LMF1: variants seen among roughly 807,000 people sequenced by gnomAD.
The protein encoded by LMF1 is transmembrane protein 112.
In LMF1, 68 loss-of-function variants were observed where a neutral mutation model predicts 60.6. The ratio of observed to expected loss-of-function variants is 1.12; its 90% CI spans 0.92 to 1.37. The LOEUF is 1.37. LMF1 is among the 40% of genes most tolerant of loss of function. LMF1 has a pLI of 0.00. For synonymous variants in LMF1, 418 were observed against 324.7 expected (o/e 1.29, Z -3.09); for missense variants, 948 against 767.2 (o/e 1.24, Z -2.78).
chr16:949,387 A>T (rs2072368540), intron 2 of LMF1, among the ~76,000 whole-genome samples: 1 of 151,378 alleles, frequency 6.6e-6, no homozygotes, highest in Admixed American at 6.6e-5. Flanking sequence ...TGACAGAGTC[A>T]GAGACAACGA....
At chr16:968,877 T>C (rs1030394081) in intron 1 of LMF1, 1 of 152,356 alleles carries the variant, frequency 6.6e-6, no homozygotes, top group Admixed American at 6.5e-5. Context: ...CCGCTGGGAC[T>C]TCCTGCTGTA....
intron 2 of LMF1, among the ~76,000 whole-genome samples, chr16:938,036 C>CCA (rs2071992714): frequency 6.9e-6 from 1 of 145,734 alleles, no homozygotes. Flanking sequence ...CAGAAGTTAC[C>CCA]AAAAAAAAAA....
intron 10 of LMF1, among the ~76,000 whole-genome samples, chr16:860,464 C>T (rs188900479): frequency 3.4e-4 from 52 of 152,106 alleles, no homozygotes; most frequent in Admixed American, 7.9e-4. Context: ...CTCAGCCTCC[C>T]GAGTAGCTGG....
intron 3 of LMF1, among the ~76,000 whole-genome samples, chr16:913,522 T>C (rs1321052468): frequency 1.3e-5 from 2 of 152,216 alleles, no homozygotes; most frequent in African/African-American, 4.8e-5. Flanking sequence ...GATGCCCCGA[T>C]GCTGGTGCGG....
At chr16:966,599 G>C (rs766145088) in intron 1 of LMF1, among the ~76,000 whole-genome samples, 1 of 115,346 alleles carries the variant, frequency 8.7e-6, no homozygotes, top group Non-Finnish European at 1.7e-5. Context: ...GGTCCTTTCC[G>C]ACGTTCAGAT....
chr16:878,302 T>C lies in LMF1; in HGVS notation c.897+1268A>G, dbSNP rs766882484. Among the ~76,000 whole-genome samples, 42 of 152,038 alleles carry C rather than the reference T, an allele frequency of 2.8e-4. 1 individual carries two copies. The highest frequency in any genetic ancestry group is 4.9e-4 in the Non-Finnish European group (33 of 68,008). ...CATCGATGCCCACAGGGAAATCACC[T>C]GATGGGCACCGGTGCCAGCCTCCAA... On this transcript the variant is annotated intron_variant, in intron 6 of 10. Transcript: ENST00000262301. The surrounding 1 kb of genome is among the most constrained non-coding windows in gnomAD (Gnocchi z 5.2).
intron 2 of LMF1, among the ~76,000 whole-genome samples, chr16:941,021 A>G (rs2072088009): frequency 1.3e-5 from 2 of 152,236 alleles, no homozygotes; most frequent in South Asian, 2.1e-4. Flanking sequence ...TAAGTCTTTT[A>G]TTACCACAAA....
intron 5 of LMF1, among the ~76,000 whole-genome samples, chr16:889,344 G>C (rs1000108787): frequency 4.8e-5 from 7 of 146,670 alleles, no homozygotes; most frequent in African/African-American, 1.8e-4. Flanking sequence ...GGTGAGTGTG[G>C]GGTGTGAGGC....
chr16:886,418 C>T (rs562098442), intron 5 of LMF1, among the ~76,000 whole-genome samples: 5 of 152,010 alleles, frequency 3.3e-5, no homozygotes, highest in East Asian at 1.9e-4. Flanking sequence ...GGCCTGCACT[C>T]GCCCAGTGGG....
chr16:921,264 C>T (rs1250536970), intron 3 of LMF1: 1 of 152,302 alleles, frequency 6.6e-6, no homozygotes, highest in Non-Finnish European at 1.5e-5. Context: ...TCTGCTTCCA[C>T]TGGGGCATTC....
intron 5 of LMF1, among the ~76,000 whole-genome samples, chr16:891,094 C>T (rs772743404): frequency 3.9e-5 from 6 of 152,224 alleles, no homozygotes; most frequent in Non-Finnish European, 7.3e-5. Context: ...CTCATGGGGG[C>T]GGGAGGGACC....
chr16:979,573 T>C (rs1220233732), intron 1 of LMF1: 1 of 448,840 alleles, frequency 2.2e-6, no homozygotes, highest in East Asian at 7.0e-5. Context: ...TCAGTCTCCC[T>C]TCCTCCAGGG....
intron 2 of LMF1, among the ~76,000 whole-genome samples, chr16:940,050 G>A (rs1366841200): frequency 6.6e-6 from 1 of 152,178 alleles, no homozygotes; most frequent in Non-Finnish European, 1.5e-5. Context: ...CAGACCAAAG[G>A]GGAGGAGGCA....
At chr16:896,667 C>G (rs918583697) in intron 4 of LMF1, among the ~76,000 whole-genome samples, 1 of 152,162 alleles carries the variant, frequency 6.6e-6, no homozygotes, top group South Asian at 2.1e-4. Flanking sequence ...ACGGCTCCAC[C>G]GGGCAGGGGC....
At chr16:909,245 G>A (rs2071043746) in intron 4 of LMF1, among the ~76,000 whole-genome samples, 1 of 152,304 alleles carries the variant, frequency 6.6e-6, no homozygotes, top group Middle Eastern at 3.4e-3. Context: ...GTGAGTGAGG[G>A]GGAGGGAAAA....
At chr16:915,335 T>C (rs1340377110) in intron 3 of LMF1, among the ~76,000 whole-genome samples, 1 of 152,110 alleles carries the variant, frequency 6.6e-6, no homozygotes, top group African/African-American at 2.4e-5. Flanking sequence ...CGGAGAGCCC[T>C]CTTCATCCTC....
intron 3 of LMF1, among the ~76,000 whole-genome samples, chr16:930,584 T>C (rs1299532485): frequency 6.6e-6 from 1 of 152,106 alleles, no homozygotes; most frequent in East Asian, 1.9e-4. Context: ...ATTCTGTGGA[T>C]GGTGTGGTCA....
At chr16:855,869 G>A in intron 10 of LMF1, 1 of 456,078 alleles carries the variant, frequency 2.2e-6, no homozygotes, top group Non-Finnish European at 4.4e-6. Flanking sequence ...TGGGGGTGGA[G>A]ACCTTGGGCC....
chr16:910,819 AG>A, intron 4 of LMF1, 111 bp downstream of exon 4: 1 of 1,371,152 alleles, frequency 7.3e-7, no homozygotes, highest in Non-Finnish European at 1.0e-6. Flanking sequence ...GGCCGACAGG[AG>A]GACAGAGGGC....
Sources: gnomAD v4.1 joint callset for allele counts (sites outside exome capture counted in the v4.1 genomes callset) on GRCh38, gnomAD v4.1.1 for gene constraint, Gnocchi (gnomAD v3.1) non-coding constraint, MANE v1.5 for transcripts, NCBI Gene and HGNC (gene_info 2026-07-23, HGNC 2026-07-21) for gene names.